The following RBP2 variants were observed in gnomAD, a reference collection of about 807,000 sequenced individuals.
RBP2 encodes retinol binding protein 2.
Under a neutral mutation model 17.0 loss-of-function variants are expected in RBP2, and 17 were observed. The ratio of observed to expected loss-of-function variants is 1.00; its 90% CI spans 0.68 to 1.50. The LOEUF (loss-of-function observed/expected upper bound fraction) is 1.50, where lower values mean the gene tolerates loss of function less well. Among genes scored for constraint, RBP2 ranks in the 40% most tolerant of loss-of-function variants. The probability of loss-of-function intolerance (pLI) is 0.00; values close to 1 mark genes in which losing one functional copy is unlikely to be tolerated. For missense variants in RBP2, 158 were observed against 168.2 expected, an observed-to-expected ratio of 0.94 and a Z score of 0.33; for synonymous variants, 48 against 57.1, an observed-to-expected ratio of 0.84 and a Z score of 0.72.
intron 2 of RBP2, among the ~76,000 whole-genome samples, chr3:139,459,364 T>C (rs1038028261): frequency 1.3e-5 from 2 of 149,652 alleles, no homozygotes; most frequent in Non-Finnish European, 3.0e-5. Context: ...ACGACCAGCC[T>C]GACCAACATG....
intron 2 of RBP2, among the ~76,000 whole-genome samples, chr3:139,461,060 C>T (rs1288410211): frequency 6.6e-6 from 1 of 152,152 alleles, no homozygotes; most frequent in African/African-American, 2.4e-5. Context: ...GATTGGATTT[C>T]TCCTATTCCT....
intron 1 of RBP2, among the ~76,000 whole-genome samples, chr3:139,463,461 C>T (rs560453938): frequency 7.2e-5 from 11 of 152,354 alleles, no homozygotes; most frequent in African/African-American, 2.4e-4. Context: ...GCTGGGATTA[C>T]AGGCATGAGC....
intron 1 of RBP2, among the ~76,000 whole-genome samples, chr3:139,470,081 G>A (rs1166659101): frequency 6.6e-6 from 1 of 152,076 alleles, no homozygotes; most frequent in African/African-American, 2.4e-5. Flanking sequence ...CCATATCAAA[G>A]TGCCAATTTT....
In RBP2 at chr3:139,463,580, G is replaced by A. The variant is rs115279593; in HGVS notation, c.74-1290C>T. Among the ~76,000 whole-genome samples, 693 of 152,278 alleles carry A rather than the reference G, an allele frequency of 4.6e-3. 7 individuals are homozygous for A. Among genetic ancestry groups the A allele is most frequent in the African/African-American group, 0.016 (662 of 41,570 alleles). On this transcript the variant is annotated intron_variant, in intron 1 of 3. Coordinates refer to ENST00000232217, the MANE Select transcript of RBP2 (RefSeq NM_004164.3). ...CGAAGGAGTGTTGAATGTCCTAAGC[G>A]TTGCATATTACAAGAAGAAGCAAAC... is the stretch of plus-strand genomic sequence containing the variant.
At chr3:139,475,072 A>G (rs1933690448) in intron 1 of RBP2, among the ~76,000 whole-genome samples, 1 of 152,162 alleles carries the variant, frequency 6.6e-6, no homozygotes, top group South Asian at 2.1e-4. Context: ...CTGTAATCCC[A>G]GCACTTTGGG....
At chr3:139,464,667 TAA>T (rs1399482229) in intron 1 of RBP2, among the ~76,000 whole-genome samples, 1 of 152,096 alleles carries the variant, frequency 6.6e-6, no homozygotes, top group South Asian at 2.1e-4. Context: ...AGCCAGAAGG[TAA>T]AAAGATTACA....
chr3:139,453,030 G>T lies in RBP2; in HGVS notation c.*86C>A. The T allele has an allele frequency of 6.7e-7, 1 of 1,492,476 alleles. No individual in the cohort carries two copies. The highest frequency in any genetic ancestry group is 9.3e-7 in the Non-Finnish European group (1 of 1,069,956). 92.5% of individuals were successfully genotyped at this position (1,492,476 alleles called of 1,614,324 possible). On this transcript the variant is annotated 3_prime_UTR_variant, in exon 4 of 4. Coordinates refer to ENST00000232217, the MANE Select transcript of RBP2 (RefSeq NM_004164.3). ...AATGGGGCTCTGTCAAGAGTGGGAA[G>T]GTCCCCACAGCTGTTTCTCAAAGCC...
intron 2 of RBP2, among the ~76,000 whole-genome samples, chr3:139,456,595 G>T (rs1266075917): frequency 6.6e-6 from 1 of 152,178 alleles, no homozygotes; most frequent in Non-Finnish European, 1.5e-5. Flanking sequence ...AAAGCAGACG[G>T]GGGTGGGTAT....
At chr3:139,470,876 C>T (rs1455462052) in intron 1 of RBP2, among the ~76,000 whole-genome samples, 1 of 152,100 alleles carries the variant, frequency 6.6e-6, no homozygotes, top group Non-Finnish European at 1.5e-5. Context: ...TGTGAGCCAT[C>T]ACACCTGGCT....
intron 1 of RBP2, among the ~76,000 whole-genome samples, chr3:139,475,189 G>A (rs1443991992): frequency 1.3e-5 from 2 of 151,572 alleles, no homozygotes; most frequent in African/African-American, 2.4e-5. Flanking sequence ...GCGTGGTGGC[G>A]GGTGCCTGTA....
chr3:139,470,374 C>G (rs537408473), intron 1 of RBP2, among the ~76,000 whole-genome samples: 48 of 152,206 alleles, frequency 3.2e-4, no homozygotes, highest in African/African-American at 1.1e-3. Flanking sequence ...TTTTCTCCAG[C>G]TCCACAGGCA....
chr3:139,454,367 C>T (rs561510941), intron 3 of RBP2, among the ~76,000 whole-genome samples: 1 of 152,246 alleles, frequency 6.6e-6, no homozygotes, highest in East Asian at 1.9e-4. Flanking sequence ...CTCCCAGGCT[C>T]CCATCATTAT....
At position 139,459,452 on chromosome 3, in the gene RBP2, A is replaced by G. The variant is rs554072940; in HGVS notation, c.252+2660T>C. The stretch of plus-strand genomic sequence containing the variant: ...TGTGTATTCATATTTACATATATTT[A>G]TATATAAATATATATATATATTTAG... On this transcript the variant is annotated intron_variant, in intron 2 of 3. Transcript: ENST00000232217. Among the ~76,000 whole-genome samples the G allele has an allele frequency of 5.1e-5, 7 of 138,588 alleles. No individual in the cohort carries two copies. The East Asian group carries it at 1.5e-3, about 30-fold the overall frequency. The allele number at this position is 138,588 out of a possible 152,430, so 90.9% of individuals were successfully genotyped here.
intron 1 of RBP2, among the ~76,000 whole-genome samples, chr3:139,474,628 TC>T (rs1933669795): frequency 6.6e-6 from 1 of 152,128 alleles, no homozygotes; most frequent in African/African-American, 2.4e-5. Context: ...ACATCTAATA[TC>T]ATCTGGAGGG....
At position 139,454,821 on chromosome 3, in the gene RBP2, T is replaced by G; in HGVS notation, c.262A>C (p.Thr88Pro). ...LDNRHVKALV[T>P]WEGDVLVCVQ... The stretch of plus-strand genomic sequence containing the variant: ...CACACAAGGACATCACCTTCCCAGG[T>G]GACCAGTGCCTGTAAAGACAGATTC... Residue 88 changes from threonine (T) to proline (P), a missense_variant, in exon 3 of 4, where the codon ACC (threonine) becomes CCC (proline). Thr to Pro is a conservative substitution (Grantham distance 38). Transcript: ENST00000232217. 1.9e-6 allele frequency: 3 copies of G among 1,614,160 alleles called. No individual in the cohort carries two copies. Among genetic ancestry groups the G allele is most frequent in the Middle Eastern group, 1.6e-4 (1 of 6,062 alleles).
intron 3 of RBP2, among the ~76,000 whole-genome samples, chr3:139,453,870 T>C (rs1943352545): frequency 6.6e-6 from 1 of 152,116 alleles, no homozygotes; most frequent in Non-Finnish European, 1.5e-5. Flanking sequence ...CCAGTGCAGG[T>C]AGGGAAAGCC....
chr3:139,465,538 C>G (rs1303167149), intron 1 of RBP2, among the ~76,000 whole-genome samples: 1 of 152,194 alleles, frequency 6.6e-6, no homozygotes, highest in Non-Finnish European at 1.5e-5. Context: ...TTAGGATGAT[C>G]TGTCTCAAGG....
intron 1 of RBP2, among the ~76,000 whole-genome samples, chr3:139,463,818 A>AT (rs975785984): frequency 2.0e-5 from 3 of 152,030 alleles, no homozygotes; most frequent in African/African-American, 7.2e-5. Flanking sequence ...AATCTTTAAT[A>AT]TTTTTTTTAG....
chr3:139,453,026 G>T lies in RBP2; in HGVS notation c.*90C>A. 6.8e-7 allele frequency: 1 copy of T among 1,476,090 alleles called. No individual in the cohort carries two copies. The highest frequency in any genetic ancestry group is 9.5e-7 in the Non-Finnish European group (1 of 1,055,428). 91.4% of individuals were successfully genotyped at this position (1,476,090 alleles called of 1,614,324 possible). On this transcript the variant is annotated 3_prime_UTR_variant, in exon 4 of 4. Transcript: ENST00000232217. The stretch of plus-strand genomic sequence containing the variant: ...CCTTAATGGGGCTCTGTCAAGAGTG[G>T]GAAGGTCCCCACAGCTGTTTCTCAA...
Sources: gnomAD v4.1 joint callset for allele counts (sites outside exome capture counted in the v4.1 genomes callset) on GRCh38, gnomAD v4.1.1 for gene constraint, MANE v1.5 for transcripts, NCBI Gene and HGNC (gene_info 2026-07-23, HGNC 2026-07-21) for gene names.